IMPG1: variants seen among roughly 807,000 people sequenced by gnomAD.
IMPG1 encodes the protein interphotoreceptor matrix proteoglycan of 150 kDa.
Under a neutral mutation model 92.0 loss-of-function variants are expected in IMPG1, and 85 were observed. The observed-to-expected ratio is 0.92, with a 90% CI of 0.78 to 1.11. The LOEUF (loss-of-function observed/expected upper bound fraction) is 1.11, where lower values mean the gene tolerates loss of function less well. Ranked by LOEUF, IMPG1 falls within the 50% of genes least tolerant of loss-of-function variation. The pLI is 0.00. For synonymous variants in IMPG1, 367 were observed against 334.1 expected, an observed-to-expected ratio of 1.10 and a Z score of -1.08; for missense variants, 1,022 against 956.0, an observed-to-expected ratio of 1.07 and a Z score of -0.91.
intron 12 of IMPG1, among the ~76,000 whole-genome samples, chr6:76,000,973 A>C (rs1361072579): frequency 6.6e-6 from 1 of 152,232 alleles, no homozygotes; most frequent in Non-Finnish European, 1.5e-5. Flanking sequence ...GAAAACTTGA[A>C]TAACGATCCT....
At position 75,947,377 on chromosome 6, in the gene IMPG1, GA is replaced by G; in HGVS notation, c.1980del (p.Arg661ValfsTer12). On this transcript the variant is annotated frameshift_variant, in exon 14 of 17. Transcript: ENST00000369950. LOFTEE classifies it high-confidence loss of function. ...TKAVHGVLED[F>X]RSAAAQQLHL... The stretch of plus-strand genomic sequence containing the variant: ...TGGAGTTGTTGGGCTGCAGCAGAAC[GA>G]AAATCCTCCAAGACCCCGTGCACAG... The G allele has an allele frequency of 1.2e-6, 2 of 1,613,944 alleles. No homozygotes were observed. The highest frequency in any genetic ancestry group is 1.7e-6 in the Non-Finnish European group (2 of 1,179,888).
At chr6:76,005,868 A>G (rs950655551) in intron 9 of IMPG1, among the ~76,000 whole-genome samples, 29 of 148,690 alleles carry the variant, frequency 2.0e-4, no homozygotes, top group African/African-American at 7.0e-4. Flanking sequence ...ACAGGGTCTC[A>G]CTCTGTTACC....
intron 12 of IMPG1, among the ~76,000 whole-genome samples, chr6:75,961,667 T>C (rs1389474303): frequency 6.6e-6 from 1 of 152,166 alleles, no homozygotes; most frequent in African/African-American, 2.4e-5. Flanking sequence ...TCATTGAGAA[T>C]ATAATATTTG....
At chr6:75,926,850 T>C (rs188114196) in intron 15 of IMPG1, among the ~76,000 whole-genome samples, 40 of 152,160 alleles carry the variant, frequency 2.6e-4, no homozygotes, top group African/African-American at 9.4e-4. Flanking sequence ...AGGAAAAGAA[T>C]AGAAGGAAAA....
intron 1 of IMPG1, among the ~76,000 whole-genome samples, chr6:76,058,282 T>C (rs1240492590): frequency 1.3e-5 from 2 of 152,168 alleles, no homozygotes; most frequent in Admixed American, 6.6e-5. Flanking sequence ...TTGGATAAAC[T>C]CAGAGAAACT....
chr6:75,956,049 G>T (rs1295192495), intron 12 of IMPG1, among the ~76,000 whole-genome samples: 3 of 152,066 alleles, frequency 2.0e-5, no homozygotes, highest in African/African-American at 7.2e-5. Flanking sequence ...AGGGATATTG[G>T]CCTGAAATTT....
chr6:75,928,546 AT>A (rs1260612389), intron 15 of IMPG1: 1 of 152,080 alleles, frequency 6.6e-6, no homozygotes, highest in Non-Finnish European at 1.5e-5. Context: ...CTCTCAACTG[AT>A]TGTTTACAGT....
At chr6:76,067,278 GAA>G (rs1784325667) in intron 1 of IMPG1, among the ~76,000 whole-genome samples, 1 of 151,252 alleles carries the variant, frequency 6.6e-6, no homozygotes, top group Non-Finnish European at 1.5e-5. Flanking sequence ...AAAGAATATT[GAA>G]AGACTGCCAG....
intron 12 of IMPG1, among the ~76,000 whole-genome samples, chr6:75,959,739 A>G (rs563555819): frequency 6.6e-6 from 1 of 152,302 alleles, no homozygotes; most frequent in Non-Finnish European, 1.5e-5. Context: ...ATCCCAGTTC[A>G]ACTTCAGACT....
intron 7 of IMPG1, among the ~76,000 whole-genome samples, chr6:76,012,314 C>A (rs1185154213): frequency 6.6e-6 from 1 of 152,228 alleles, no homozygotes. Context: ...TCTGTTCCCC[C>A]TCTACAGTGT....
intron 4 of IMPG1, among the ~76,000 whole-genome samples, chr6:76,028,975 T>C (rs1362047461): frequency 6.6e-6 from 1 of 152,240 alleles, no homozygotes; most frequent in Non-Finnish European, 1.5e-5. Context: ...TAAGAATCCA[T>C]TTTTCTTTTG....
intron 12 of IMPG1, among the ~76,000 whole-genome samples, chr6:75,957,993 C>T (rs967229732): frequency 5.3e-5 from 8 of 152,274 alleles, no homozygotes; most frequent in African/African-American, 1.7e-4. Context: ...GGAGTTTCTT[C>T]GTAGTGTCTA....
intron 7 of IMPG1, among the ~76,000 whole-genome samples, chr6:76,013,519 C>T (rs1320699478): frequency 6.6e-6 from 1 of 152,012 alleles, no homozygotes; most frequent in African/African-American, 2.4e-5. Context: ...TTTGTAGAGC[C>T]CCAAAGTCAG....
chr6:75,933,387 C>T (rs1781693710), intron 14 of IMPG1, among the ~76,000 whole-genome samples: 1 of 152,168 alleles, frequency 6.6e-6, no homozygotes, highest in Admixed American at 6.5e-5. Context: ...AGAGATTTCA[C>T]CATGATCCTG....
chr6:75,964,080 T>C (rs538611831), intron 12 of IMPG1, among the ~76,000 whole-genome samples: 1 of 152,220 alleles, frequency 6.6e-6, no homozygotes, highest in South Asian at 2.1e-4. Context: ...CTGACATATT[T>C]TGGGGAATCT....
rs150920505 is a variant in IMPG1 at position 76,071,278 on chromosome 6, A to G, written c.67+1144T>C. ...AATTAACAGAATTAATGTAACAAAA[A>G]ATTTAACACAGCTGAATTGCTTGAT... On this transcript the variant is annotated intron_variant, in intron 1 of 16. Transcript: ENST00000369950. 6.2e-3 allele frequency among the ~76,000 whole-genome samples: 938 copies of G among 150,396 alleles called. 31 individuals carry two copies. In the East Asian group the frequency reaches 0.07, roughly 11 times the overall value.
chr6:76,032,001 T>G (rs1052646982), intron 4 of IMPG1, among the ~76,000 whole-genome samples: 1 of 152,260 alleles, frequency 6.6e-6, no homozygotes. Context: ...ACTGGCAGAC[T>G]TACGGGTTAG....
chr6:75,925,691 A>G (rs1339722252), intron 15 of IMPG1, among the ~76,000 whole-genome samples: 1 of 116,912 alleles, frequency 8.6e-6, no homozygotes, highest in Non-Finnish European at 1.9e-5. Flanking sequence ...GTTTTGAGAC[A>G]GTCTCGCTCT....
intron 12 of IMPG1, among the ~76,000 whole-genome samples, chr6:75,970,048 T>C (rs1782378884): frequency 6.6e-6 from 1 of 152,142 alleles, no homozygotes; most frequent in South Asian, 2.1e-4. Flanking sequence ...GAGGCAGAAT[T>C]GAGGATGGGA....
Sources: allele counts gnomAD v4.1 joint callset (sites outside exome capture counted in the v4.1 genomes callset), GRCh38; gene constraint gnomAD v4.1.1; transcripts MANE v1.5; gene names NCBI Gene and HGNC (gene_info 2026-07-23, HGNC 2026-07-21).